The following BCL2L13 variants were observed in gnomAD, a reference collection of about 807,000 sequenced individuals.
BCL2L13 encodes the protein bcl-2-like protein 13.
BCL2L13 carries 13 observed loss-of-function variants against 25.8 expected under a neutral mutation model. That is an observed-to-expected ratio of 0.50 (90% CI 0.33 to 0.80). BCL2L13 has a LOEUF of 0.80. Ranked by LOEUF, BCL2L13 falls within the 30% of genes least tolerant of loss-of-function variation. BCL2L13 has a pLI of 0.02. For synonymous variants in BCL2L13, 244 were observed against 230.3 expected (o/e 1.06, Z -0.54); for missense variants, 504 against 574.9 (o/e 0.88, Z 1.26).
chr22:17,723,645 A>G (rs1403236962), intron 6 of BCL2L13, among the ~76,000 whole-genome samples: 2 of 152,150 alleles, frequency 1.3e-5, no homozygotes, highest in East Asian at 1.9e-4. Context: ...TATAAATACT[A>G]TACCTCGGGC....
chr22:17,720,271 T>A (rs2061081513), intron 6 of BCL2L13, among the ~76,000 whole-genome samples: 1 of 152,068 alleles, frequency 6.6e-6, no homozygotes, highest in South Asian at 2.1e-4. Context: ...CAGGCTCAAG[T>A]GATTCTCCCA....
intron 2 of BCL2L13, among the ~76,000 whole-genome samples, chr22:17,682,694 A>G (rs1265050779): frequency 1.3e-5 from 2 of 152,196 alleles, no homozygotes; most frequent in Non-Finnish European, 2.9e-5. Context: ...GGAAAGGTGG[A>G]GACTTACTCA....
At chr22:17,657,688 T>G (rs1391752860) in intron 2 of BCL2L13, among the ~76,000 whole-genome samples, 1 of 151,812 alleles carries the variant, frequency 6.6e-6, no homozygotes, top group Non-Finnish European at 1.5e-5. Context: ...ACTTTTTTTT[T>G]CGTATTTTTA....
At chr22:17,685,180 T>C (rs1420695874) in intron 3 of BCL2L13, among the ~76,000 whole-genome samples, 1 of 151,338 alleles carries the variant, frequency 6.6e-6, no homozygotes, top group Non-Finnish European at 1.5e-5. Context: ...GGCCACTATG[T>C]GGTCTTTTGT....
intron 2 of BCL2L13, among the ~76,000 whole-genome samples, chr22:17,674,637 A>G (rs924442072): frequency 2.7e-5 from 4 of 148,642 alleles, no homozygotes; most frequent in Non-Finnish European, 4.5e-5. Context: ...GAAAGAAATG[A>G]GTTCTTGCTA....
rs1441540140 is a variant in BCL2L13, at chr22:17,727,840, G to A, written c.*306G>A. On this transcript the variant is annotated 3_prime_UTR_variant, in exon 7 of 7. Transcript: ENST00000317582. ...TGTTCTGACCATTCTCTGTGTTGGG[G>A]CTGTCCTGTGTGTGGTGGGCTCCAC... 7.5e-6 allele frequency: 3 copies of A among 401,494 alleles called. No individual in the cohort carries two copies. Among genetic ancestry groups the A allele is most frequent in the African/African-American group, 2.0e-5 (1 of 50,088 alleles). The allele number at this position is 401,494 out of a possible 1,614,324, so 24.9% of individuals were successfully genotyped here. A position where few individuals can be genotyped will look rare whatever the true frequency, so the allele number is the denominator to read the frequency against.
chr22:17,646,946 TATATA>T (rs2058501938), intron 1 of BCL2L13, among the ~76,000 whole-genome samples: 1 of 34,996 alleles, frequency 2.9e-5, no homozygotes, highest in Non-Finnish European at 5.5e-5. Context: ...TATATATATA[TATATA>T]TATATTTTTT....
At position 17,726,760 on chromosome 22, in the gene BCL2L13, C is replaced by T; in HGVS notation, c.684C>T (p.Pro228=). The change falls in exon 7 of 7, where the codon CCC becomes CCT. Residue 228 remains proline (P), a synonymous_variant. Coordinates refer to ENST00000317582, the MANE Select transcript of BCL2L13 (RefSeq NM_015367.4). ...ATAGCAATGACATTTACATCCTGCC[C>T]AGCGACAACTCTGGACAAGTCAGTC... The part of the protein sequence containing the change: ...AEDSNDIYIL[P]SDNSGQVSPP... The T allele has an allele frequency of 2.5e-6, 4 of 1,614,220 alleles. No homozygotes were observed. Among genetic ancestry groups the T allele is most frequent in the Non-Finnish European group, 3.4e-6 (4 of 1,180,052 alleles).
At chr22:17,689,286 C>A in intron 4 of BCL2L13, 144 bp downstream of exon 4, 1 of 706,490 alleles carries the variant, frequency 1.4e-6, no homozygotes, top group Non-Finnish European at 2.1e-6. Context: ...ATTTTCTTTC[C>A]CAAAGCATCT....
In BCL2L13 at chr22:17,659,683, A is replaced by G. The variant is rs374988250; in HGVS notation, c.121+3851A>G. Among the ~76,000 whole-genome samples the G allele has an allele frequency of 4.2e-5, 6 of 144,362 alleles. 1 individual carries two copies. The highest frequency in any genetic ancestry group is 7.4e-3 in the Middle Eastern group (2 of 272). The allele number at this position is 144,362 out of a possible 152,430, so 94.7% of individuals were successfully genotyped here. A position where few individuals can be genotyped will look rare whatever the true frequency, so the allele number is the denominator to read the frequency against. ...CAAAAAACAAAACAAAACAAAACAA[A>G]AAAACAAGAAACAAACCTGAAATGA... On this transcript the variant is annotated intron_variant, in intron 2 of 6. Transcript: ENST00000317582.
In BCL2L13 at chr22:17,671,414, AAAATT is replaced by A. The variant is rs2059415214; in HGVS notation, c.122-11798_122-11794del. On this transcript the variant is annotated intron_variant, in intron 2 of 6. Coordinates refer to ENST00000317582, the MANE Select transcript of BCL2L13 (RefSeq NM_015367.4). Reference sequence around the variant, plus strand: ...ATCTCAAAAAAAAAAAAAAAAAAAAAAAATTAGCCAGGAGTTGTGGCGGGCGCCTG... The same window carrying A: ...ATCTCAAAAAAAAAAAAAAAAAAAAAAGCCAGGAGTTGTGGCGGGCGCCTG... 2.0e-5 allele frequency among the ~76,000 whole-genome samples: 3 copies of A among 150,578 alleles called. No homozygotes were observed. In the South Asian group the frequency reaches 6.3e-4, roughly 32 times the overall value.
chr22:17,684,357 A>G (rs2059845505), intron 3 of BCL2L13, among the ~76,000 whole-genome samples: 1 of 152,156 alleles, frequency 6.6e-6, no homozygotes, highest in African/African-American at 2.4e-5. Context: ...GTTGTAGTGT[A>G]TTCACAGAAT....
intron 6 of BCL2L13, among the ~76,000 whole-genome samples, chr22:17,724,177 G>A (rs1360193488): frequency 6.6e-6 from 1 of 152,104 alleles, no homozygotes; most frequent in Non-Finnish European, 1.5e-5. Context: ...GGAGGCTGAG[G>A]CTAGAGGATC....
intron 1 of BCL2L13, among the ~76,000 whole-genome samples, chr22:17,645,965 G>T (rs1237068051): frequency 6.6e-6 from 1 of 151,452 alleles, no homozygotes; most frequent in Non-Finnish European, 1.5e-5. Flanking sequence ...CATTTACATT[G>T]TCTTAGGTAT....
At chr22:17,683,431 C>T (rs1293614227) in intron 3 of BCL2L13, 110 bp downstream of exon 3, 2 of 620,240 alleles carry the variant, frequency 3.2e-6, no homozygotes, top group Non-Finnish European at 5.6e-6. Context: ...TAACAACTTA[C>T]ACCAATTATA....
At chr22:17,705,079 T>C (rs568797901) in intron 6 of BCL2L13, among the ~76,000 whole-genome samples, 9 of 149,326 alleles carry the variant, frequency 6.0e-5, no homozygotes, top group African/African-American at 2.2e-4. Context: ...ATAGACTTGA[T>C]TGTGAAAACT....
At chr22:17,695,259 C>G (rs1042125734) in intron 4 of BCL2L13, among the ~76,000 whole-genome samples, 2 of 152,186 alleles carry the variant, frequency 1.3e-5, no homozygotes, top group Admixed American at 6.5e-5. Flanking sequence ...AATATACTTT[C>G]CTGGATACTC....
intron 2 of BCL2L13, among the ~76,000 whole-genome samples, chr22:17,671,042 T>C (rs1228568428): frequency 2.0e-5 from 3 of 152,014 alleles, no homozygotes; most frequent in African/African-American, 7.2e-5. Flanking sequence ...GGGCAGATCA[T>C]GAGGTCAAGA....
At chr22:17,675,918 T>C (rs1336124039) in intron 2 of BCL2L13, among the ~76,000 whole-genome samples, 1 of 152,226 alleles carries the variant, frequency 6.6e-6, no homozygotes, top group East Asian at 1.9e-4. Context: ...CATGGCATTA[T>C]CTAAACTGAC....
Sources: allele counts gnomAD v4.1 joint callset (sites outside exome capture counted in the v4.1 genomes callset), GRCh38; gene constraint gnomAD v4.1.1; transcripts MANE v1.5; gene names NCBI Gene and HGNC (gene_info 2026-07-23, HGNC 2026-07-21).